The following CEP128 variants were observed in gnomAD, a reference collection of about 807,000 sequenced individuals.
CEP128 encodes centrosomal protein 128.
CEP128 carries 132 observed loss-of-function variants against 156.7 expected under a neutral mutation model. The observed-to-expected ratio is 0.84, with a 90% CI of 0.73 to 0.97. The LOEUF is 0.97. CEP128 is among the 50% of genes least tolerant of loss of function. CEP128 has a pLI of 0.00. For synonymous variants in CEP128, 469 were observed against 448.9 expected (o/e 1.04, Z -0.57); for missense variants, 1,252 against 1,281.9 (o/e 0.98, Z 0.36).
chr14:80,775,920 G>GC (rs1007638260), intron 16 of CEP128, among the ~76,000 whole-genome samples: 12 of 151,898 alleles, frequency 7.9e-5, no homozygotes, highest in Non-Finnish European at 1.6e-4. Flanking sequence ...GCGACTTTCC[G>GC]CCCCCCGGGT....
At chr14:80,531,884 C>T (rs1287214491) in intron 21 of CEP128, among the ~76,000 whole-genome samples, 3 of 152,074 alleles carry the variant, frequency 2.0e-5, no homozygotes, top group African/African-American at 7.2e-5. Flanking sequence ...TGGAATGAGA[C>T]AGTTGAACCT....
At chr14:80,574,339 T>A (rs551965154) in intron 20 of CEP128, among the ~76,000 whole-genome samples, 1 of 152,282 alleles carries the variant, frequency 6.6e-6, no homozygotes, top group South Asian at 2.1e-4. Context: ...CCACCCTGCA[T>A]TTCTACCTGC....
intron 9 of CEP128, among the ~76,000 whole-genome samples, chr14:80,852,762 CA>C (rs1886957358): frequency 6.6e-6 from 1 of 151,676 alleles, no homozygotes; most frequent in Non-Finnish European, 1.5e-5. Context: ...CTCTCTTACA[CA>C]AAACTAAACC....
At chr14:80,481,228 A>G (rs956183143) in intron 14 of CEP128, among the ~76,000 whole-genome samples, 3 of 152,216 alleles carry the variant, frequency 2.0e-5, no homozygotes, top group Middle Eastern at 3.2e-3. Flanking sequence ...AGGCCTCAGA[A>G]TCATGGCAGG....
rs371840039 is a variant in CEP128, at chr14:80,612,928, C to A, written c.2807-32505G>T. Among the ~76,000 whole-genome samples the A allele has an allele frequency of 5.9e-5, 9 of 152,090 alleles. 1 individual carries two copies. In the East Asian group the frequency reaches 1.7e-3, roughly 29 times the overall value. ...CTATCTCGGCTCACTGCAACCTCCACCTCCCGGGTTCAAGCAATTCTCCTG... is the reference window on the plus strand; with the variant it reads ...CTATCTCGGCTCACTGCAACCTCCAACTCCCGGGTTCAAGCAATTCTCCTG... On this transcript the variant is annotated intron_variant, in intron 19 of 24. Coordinates refer to ENST00000555265, the MANE Select transcript of CEP128 (RefSeq NM_152446.5).
At chr14:80,732,471 G>GGTGTGTGTGT (rs10672093) in intron 19 of CEP128, among the ~76,000 whole-genome samples, 2,763 of 127,688 alleles carry the variant, frequency 0.022, 69 homozygotes, top group African/African-American at 0.045. Flanking sequence ...TGATTAAGCA[G>GGTGTGTGTGT]GTGTGTGTGT....
At chr14:80,935,846 T>C (rs577744117) in intron 2 of CEP128, among the ~76,000 whole-genome samples, 16 of 152,248 alleles carry the variant, frequency 1.1e-4, no homozygotes, top group African/African-American at 3.9e-4. Context: ...GCACTTTACT[T>C]GTATTAACTA....
chr14:80,727,269 T>G (rs1172092542), intron 19 of CEP128, among the ~76,000 whole-genome samples: 1 of 152,034 alleles, frequency 6.6e-6, no homozygotes, highest in African/African-American at 2.4e-5. Flanking sequence ...CACTTTAACG[T>G]GAAATAAAGA....
intron 12 of CEP128, among the ~76,000 whole-genome samples, chr14:80,833,501 C>T (rs1207721753): frequency 6.6e-6 from 1 of 151,718 alleles, no homozygotes; most frequent in Non-Finnish European, 1.5e-5. Context: ...AACAGCATTA[C>T]AAACGCTCCA....
intron 19 of CEP128, among the ~76,000 whole-genome samples, chr14:80,713,924 C>T (rs544155671): frequency 6.6e-6 from 1 of 152,200 alleles, no homozygotes; most frequent in African/African-American, 2.4e-5. Context: ...CAACTGGAGC[C>T]TAGCCATCCA....
chr14:80,563,285 T>C (rs912030708), intron 20 of CEP128, among the ~76,000 whole-genome samples: 7 of 151,682 alleles, frequency 4.6e-5, no homozygotes, highest in East Asian at 1.9e-4. Flanking sequence ...CATTAGGAGG[T>C]AGGAGAAGTA....
At chr14:80,705,485 T>C (rs1315201761) in intron 19 of CEP128, among the ~76,000 whole-genome samples, 1 of 152,132 alleles carries the variant, frequency 6.6e-6, no homozygotes, top group South Asian at 2.1e-4. Flanking sequence ...GTGGTGGCTT[T>C]ACAAACATGT....
intron 15 of CEP128, among the ~76,000 whole-genome samples, chr14:80,780,740 T>C (rs1236135332): frequency 1.3e-5 from 2 of 152,218 alleles, no homozygotes; most frequent in Non-Finnish European, 2.9e-5. Context: ...TTGAGCAAGT[T>C]AGGAGCAAAT....
At chr14:80,715,905 G>T (rs1897585902) in intron 19 of CEP128, among the ~76,000 whole-genome samples, 1 of 152,154 alleles carries the variant, frequency 6.6e-6, no homozygotes, top group South Asian at 2.1e-4. Context: ...CTTGGCAAAA[G>T]AAATTGTGAA....
At chr14:80,700,465 AG>A (rs988008769) in intron 19 of CEP128, among the ~76,000 whole-genome samples, 2 of 152,110 alleles carry the variant, frequency 1.3e-5, no homozygotes, top group African/African-American at 4.8e-5. Flanking sequence ...CAAATAGGAA[AG>A]GGGGGATGGT....
At chr14:80,861,247 A>G (rs73340194) in intron 9 of CEP128, among the ~76,000 whole-genome samples, 3,292 of 152,126 alleles carry the variant, frequency 0.022, 47 homozygotes, top group Middle Eastern at 0.072. Context: ...AGAAATTTAC[A>G]ATAGAAAGTA....
intron 19 of CEP128, among the ~76,000 whole-genome samples, chr14:80,634,593 C>A (rs534957784): frequency 6.6e-6 from 1 of 152,258 alleles, no homozygotes; most frequent in African/African-American, 2.4e-5. Context: ...GAAAATGTAA[C>A]TAACATGTTA....
chr14:80,754,289 T>C (rs887849630), intron 18 of CEP128, among the ~76,000 whole-genome samples: 1 of 152,142 alleles, frequency 6.6e-6, no homozygotes, highest in Non-Finnish European at 1.5e-5. Context: ...TCCTAGAACT[T>C]TGTTCTTTGC....
intron 19 of CEP128, among the ~76,000 whole-genome samples, chr14:80,621,877 C>T (rs1893493820): frequency 6.6e-6 from 1 of 152,024 alleles, no homozygotes; most frequent in African/African-American, 2.4e-5. Context: ...TTATTAATTG[C>T]AAAACAATTC....
Sources: gnomAD v4.1 joint callset for allele counts (sites outside exome capture counted in the v4.1 genomes callset) on GRCh38, gnomAD v4.1.1 for gene constraint, MANE v1.5 for transcripts, NCBI Gene and HGNC (gene_info 2026-07-23, HGNC 2026-07-21) for gene names.